The following SCAI variants were observed in gnomAD, a reference collection of about 807,000 sequenced individuals.
The protein encoded by SCAI is protein SCAI.
Under a neutral mutation model 92.2 loss-of-function variants are expected in SCAI, and 24 were observed. That is an observed-to-expected ratio of 0.26 (90% confidence interval 0.19 to 0.37). SCAI has a LOEUF of 0.37. SCAI is among the 10% of genes least tolerant of loss of function. The probability of loss-of-function intolerance (pLI) is 1.00; values close to 1 mark genes in which losing one functional copy is unlikely to be tolerated. For missense variants in SCAI, 450 were observed against 736.2 expected (o/e 0.61, Z 4.50); for synonymous variants, 261 against 258.6 (o/e 1.01, Z -0.09).
intron 2 of SCAI, among the ~76,000 whole-genome samples, chr9:125,095,331 A>G (rs1834523733): frequency 6.6e-6 from 1 of 152,244 alleles, no homozygotes; most frequent in South Asian, 2.1e-4. Context: ...TGAACAGAAG[A>G]GCACTACTTA....
chr9:125,043,680 G>A (rs532706693), intron 3 of SCAI, among the ~76,000 whole-genome samples: 2 of 152,254 alleles, frequency 1.3e-5, no homozygotes, highest in East Asian at 3.9e-4. Flanking sequence ...GAGTACAGTG[G>A]TGCGATCTCC....
chr9:125,051,203 A>G (rs965260044), intron 3 of SCAI, among the ~76,000 whole-genome samples: 7 of 151,730 alleles, frequency 4.6e-5, no homozygotes, highest in Admixed American at 1.3e-4. Flanking sequence ...TTGTATTTTT[A>G]GTAGAGATGG....
At chr9:125,019,403 T>C (rs2131071683) in intron 7 of SCAI, among the ~76,000 whole-genome samples, 198 bp from the exon 8 acceptor site, 1 of 152,100 alleles carries the variant, frequency 6.6e-6, no homozygotes. Context: ...ATAACACCCA[T>C]CAAATAAAGT....
At chr9:124,984,359 A>G (rs531512140) in intron 14 of SCAI, among the ~76,000 whole-genome samples, 2 of 152,312 alleles carry the variant, frequency 1.3e-5, no homozygotes, top group South Asian at 2.1e-4. Context: ...ATGACAGGCC[A>G]TTGGTGATTT....
chr9:124,995,318 C>T (rs372389201), intron 13 of SCAI, among the ~76,000 whole-genome samples: 1 of 152,010 alleles, frequency 6.6e-6, no homozygotes, highest in East Asian at 1.9e-4. Context: ...CAAACAGATA[C>T]CTGTTTCATA....
At chr9:125,125,657 C>G (rs986865590) in intron 2 of SCAI, among the ~76,000 whole-genome samples, 1 of 151,872 alleles carries the variant, frequency 6.6e-6, no homozygotes, top group African/African-American at 2.4e-5. Flanking sequence ...TGACAAAACC[C>G]TGTGTCTACA....
chr9:125,142,589 G>A, intron 2 of SCAI, 44 bp downstream of exon 2: 2 of 1,534,540 alleles, frequency 1.3e-6, no homozygotes, highest in South Asian at 2.2e-5. Flanking sequence ...GTGCAGCCAA[G>A]CAAAAAGAAA....
At chr9:124,966,627 AT>A (rs1200372860) in intron 17 of SCAI, among the ~76,000 whole-genome samples, 1 of 152,022 alleles carries the variant, frequency 6.6e-6, no homozygotes, top group African/African-American at 2.4e-5. Flanking sequence ...TTCTTAATTT[AT>A]TCAATATTTC....
At chr9:125,028,518 T>C in intron 4 of SCAI, 40 bp from the exon 5 acceptor site, 1 of 1,147,922 alleles carries the variant, frequency 8.7e-7, no homozygotes, top group Non-Finnish European at 1.2e-6. Flanking sequence ...AATGAGTCTA[T>C]AAATTCCAAA....
At chr9:125,062,152 G>T (rs922751406) in intron 2 of SCAI, among the ~76,000 whole-genome samples, 3 of 151,572 alleles carry the variant, frequency 2.0e-5, no homozygotes, top group African/African-American at 7.3e-5. Flanking sequence ...TGGAGACAGG[G>T]TCTCGCTATG....
chr9:125,037,631 T>A (rs912404177), intron 3 of SCAI, among the ~76,000 whole-genome samples: 17 of 152,174 alleles, frequency 1.1e-4, no homozygotes, highest in Admixed American at 5.9e-4. Context: ...GAAGAATTTC[T>A]TGGCCGGGTA....
Position 125,138,604 on chromosome 9 carries a change from C to T in SCAI, c.98+4029G>A, listed in dbSNP as rs184509961. ...TGATTTTTTTTGTTTTTAGTAGAGA[C>T]GTGGTTTCACTGTGTTAGCCAGGAT... On this transcript the variant is annotated intron_variant, in intron 2 of 17. Coordinates refer to ENST00000336505, the MANE Select transcript of SCAI (RefSeq NM_001144877.3). Among the ~76,000 whole-genome samples the T allele has an allele frequency of 4.7e-3, 708 of 152,112 alleles. 4 individuals are homozygous for T. Among genetic ancestry groups the T allele is most frequent in the Non-Finnish European group, 8.1e-3 (552 of 67,974 alleles).
chr9:125,139,230 T>C (rs1835611161), intron 2 of SCAI, among the ~76,000 whole-genome samples: 1 of 152,188 alleles, frequency 6.6e-6, no homozygotes, highest in African/African-American at 2.4e-5. Context: ...CTGAGCAACA[T>C]GGTAAAACCC....
At chr9:125,023,678 A>AG (rs1564382747) in intron 6 of SCAI, among the ~76,000 whole-genome samples, 5 of 151,944 alleles carry the variant, frequency 3.3e-5, no homozygotes, top group South Asian at 2.1e-4. Flanking sequence ...TAAAAAAAAA[A>AG]AAAGAAAAAT....
intron 2 of SCAI, among the ~76,000 whole-genome samples, chr9:125,102,407 C>T (rs1834695906): frequency 6.6e-6 from 1 of 151,962 alleles, no homozygotes; most frequent in Non-Finnish European, 1.5e-5. Flanking sequence ...CTCTATCTTA[C>T]TTACCCTCCC....
intron 12 of SCAI, among the ~76,000 whole-genome samples, chr9:125,001,673 CCTT>C (rs1343665429): frequency 6.6e-6 from 1 of 152,106 alleles, no homozygotes; most frequent in East Asian, 1.9e-4. Flanking sequence ...ACACCAAACT[CCTT>C]ATGTATATCT....
In SCAI at chr9:124,947,611, T is replaced by C. The variant is rs1831167383; in HGVS notation, c.*5196A>G. 2 of 152,164 alleles carry C rather than the reference T, an allele frequency of 1.3e-5. No individual in the cohort carries two copies. Among genetic ancestry groups the C allele is most frequent in the African/African-American group, 2.4e-5 (1 of 41,422 alleles). 9.4% of individuals were successfully genotyped at this position (152,164 alleles called of 1,614,324 possible). A position where few individuals can be genotyped will look rare whatever the true frequency, so the allele number is the denominator to read the frequency against. The stretch of plus-strand genomic sequence containing the variant: ...GGGTACATAATATACACATACTGTA[T>C]CACTGCATACCAATATATTTACAAA... On this transcript the variant is annotated 3_prime_UTR_variant, in exon 18 of 18. Transcript: ENST00000336505.
At chr9:125,064,754 G>A (rs1175162038) in intron 2 of SCAI, among the ~76,000 whole-genome samples, 3 of 152,148 alleles carry the variant, frequency 2.0e-5, no homozygotes, top group Non-Finnish European at 4.4e-5. Flanking sequence ...GCTGAGGCAG[G>A]AAAATCACTT....
chr9:125,024,720 C>T (rs910170603), intron 6 of SCAI, among the ~76,000 whole-genome samples: 1 of 152,194 alleles, frequency 6.6e-6, no homozygotes, highest in Non-Finnish European at 1.5e-5. Flanking sequence ...ACCGTAACAT[C>T]TCCACAAAAC....
Sources: gnomAD v4.1 joint callset for allele counts (sites outside exome capture counted in the v4.1 genomes callset) on GRCh38, gnomAD v4.1.1 for gene constraint, MANE v1.5 for transcripts, NCBI Gene and HGNC (gene_info 2026-07-23, HGNC 2026-07-21) for gene names.